Variants in ATAD5 observed in about 807,000 individuals in gnomAD.
ATAD5 encodes ATPase family AAA domain containing 5, also known as ATPase family AAA domain-containing protein 5.
Under a neutral mutation model 176.9 loss-of-function variants are expected in ATAD5, and 58 were observed. The ratio of observed to expected loss-of-function variants is 0.33; its 90% CI spans 0.27 to 0.41. The LOEUF is 0.41. Ranked by LOEUF, ATAD5 falls within the 10% of genes least tolerant of loss-of-function variation. ATAD5 has a pLI of 1.00. For missense variants in ATAD5, 1,789 were observed against 2,094.1 expected (o/e 0.85, Z 2.84); for synonymous variants, 640 against 712.6 (o/e 0.90, Z 1.62).
chr17:30,845,222 CAG>C (rs1358029670), intron 6 of ATAD5, among the ~76,000 whole-genome samples: 2 of 152,082 alleles, frequency 1.3e-5, no homozygotes, highest in Non-Finnish European at 2.9e-5. Context: ...TTTTTGGTAT[CAG>C]AGATATTATG....
At chr17:30,879,002 G>C (rs912330045) in intron 17 of ATAD5, among the ~76,000 whole-genome samples, 18 of 152,198 alleles carry the variant, frequency 1.2e-4, no homozygotes, top group African/African-American at 4.3e-4. Flanking sequence ...AAAGTGCTGG[G>C]ATCATAGGCA....
intron 10 of ATAD5, among the ~76,000 whole-genome samples, chr17:30,861,197 C>A (rs1237595886): frequency 1.6e-5 from 2 of 128,178 alleles, no homozygotes; most frequent in African/African-American, 2.9e-5. Flanking sequence ...ATCCACCCCC[C>A]ACCCCCCTCC....
intron 16 of ATAD5, 48 bp downstream of exon 16, chr17:30,877,597 A>G (rs780546986): frequency 6.5e-7 from 1 of 1,533,174 alleles, no homozygotes; most frequent in Non-Finnish European, 8.9e-7. Context: ...ATAAAGACTT[A>G]CTTTAAAGAA....
intron 3 of ATAD5, 48 bp from the exon 4 acceptor site, chr17:30,840,569 T>G: frequency 8.1e-7 from 1 of 1,241,006 alleles, no homozygotes; most frequent in Non-Finnish European, 1.1e-6. Context: ...TTATTAAATA[T>G]AAAATATTTT....
At chr17:30,887,475 G>A in intron 19 of ATAD5, 103 bp downstream of exon 19, 2 of 933,386 alleles carry the variant, frequency 2.1e-6, no homozygotes, top group South Asian at 3.2e-5. Flanking sequence ...CCAGCACTTT[G>A]GGGGAGTGAG....
chr17:30,844,781 CTGAAG>C, intron 5 of ATAD5, 49 bp from the exon 6 acceptor site: 1 of 624,726 alleles, frequency 1.6e-6, no homozygotes, highest in Non-Finnish European at 2.7e-6. Context: ...AAGAAAGTAG[CTGAAG>C]GTGGAGATGG....
intron 12 of ATAD5, among the ~76,000 whole-genome samples, chr17:30,868,848 A>G (rs890298276): frequency 8.3e-6 from 1 of 120,880 alleles, no homozygotes; most frequent in African/African-American, 3.3e-5. Flanking sequence ...TTGATTTTCT[A>G]CTTTTTTTTT....
At chr17:30,836,132 A>AT (rs1012383168) in intron 2 of ATAD5, 84 bp downstream of exon 2, 2,210 of 1,169,826 alleles carry the variant, frequency 1.9e-3, no homozygotes, top group African/African-American at 4.9e-3. Context: ...ATTGGAGGGT[A>AT]TTTTTTTTTC....
At chr17:30,891,525 C>G (rs1909637958) in intron 19 of ATAD5, among the ~76,000 whole-genome samples, 1 of 151,752 alleles carries the variant, frequency 6.6e-6, no homozygotes, top group African/African-American at 2.4e-5. Context: ...GCACGCACCA[C>G]TATGCCCAGC....
chr17:30,888,426 C>T (rs1909435703), intron 19 of ATAD5, among the ~76,000 whole-genome samples: 1 of 151,838 alleles, frequency 6.6e-6, no homozygotes, highest in Admixed American at 6.6e-5. Context: ...TGTCTGTGGT[C>T]CTAGCTACTT....
chr17:30,861,940 G>A (rs1198083345), intron 10 of ATAD5: 1 of 146,580 alleles, frequency 6.8e-6, no homozygotes, highest in South Asian at 2.1e-4. Context: ...TTTTTTTTTG[G>A]TATTTTTAGT....
At chr17:30,871,957 T>G (rs915496071) in intron 14 of ATAD5, among the ~76,000 whole-genome samples, 2 of 152,226 alleles carry the variant, frequency 1.3e-5, no homozygotes, top group African/African-American at 4.8e-5. Flanking sequence ...AGTCTCAATC[T>G]GTTGCCAAGG....
At chr17:30,887,786 G>T (rs1464822397) in intron 19 of ATAD5, among the ~76,000 whole-genome samples, 1 of 151,860 alleles carries the variant, frequency 6.6e-6, no homozygotes, top group African/African-American at 2.4e-5. Context: ...ACTGCACTCC[G>T]GCCCAGACAA....
chr17:30,850,139 G>A (rs908041639), intron 6 of ATAD5, among the ~76,000 whole-genome samples: 7 of 151,484 alleles, frequency 4.6e-5, no homozygotes, highest in East Asian at 1.9e-4. Context: ...AGATGCGGTC[G>A]CTAAAAAAAA....
chr17:30,865,840 A>C, intron 11 of ATAD5, 40 bp downstream of exon 11: 2 of 1,294,104 alleles, frequency 1.5e-6, no homozygotes, highest in Non-Finnish European at 2.1e-6. Context: ...TAGTTTACAA[A>C]CTTAGTTTTA....
intron 14 of ATAD5, among the ~76,000 whole-genome samples, chr17:30,875,158 G>A (rs1908585231): frequency 6.6e-6 from 1 of 152,082 alleles, no homozygotes; most frequent in South Asian, 2.1e-4. Flanking sequence ...GGTATGTGAG[G>A]AAGATCCTGT....
chr17:30,887,394 G>T (rs1006011635), intron 19 of ATAD5, 22 bp downstream of exon 19: 12 of 1,573,098 alleles, frequency 7.6e-6, no homozygotes, highest in African/African-American at 4.1e-5. Context: ...TGTTATTAAA[G>T]AAATTTCTAT....
At chr17:30,841,039 C>T (rs1385349867) in intron 4 of ATAD5, among the ~76,000 whole-genome samples, 2 of 150,772 alleles carry the variant, frequency 1.3e-5, no homozygotes, top group Non-Finnish European at 3.0e-5. Context: ...GACAGAGTTT[C>T]GCTCTTGTTG....
At chr17:30,850,826 TA>T (rs1207908320) in intron 6 of ATAD5, among the ~76,000 whole-genome samples, 9 of 37,622 alleles carry the variant, frequency 2.4e-4, no homozygotes, top group Non-Finnish European at 3.4e-4. Context: ...TTTATATTTA[TA>T]TATTTTTATA....
Sources: allele counts gnomAD v4.1 joint callset (sites outside exome capture counted in the v4.1 genomes callset), GRCh38; gene constraint gnomAD v4.1.1; transcripts MANE v1.5; gene names NCBI Gene and HGNC (gene_info 2026-07-23, HGNC 2026-07-21).